ARHGAP15: variants seen among roughly 807,000 people sequenced by gnomAD.
ARHGAP15 encodes the protein rho GTPase-activating protein 15.
A neutral mutation model predicts 63.7 loss-of-function variants in ARHGAP15; 51 were observed. The ratio of observed to expected loss-of-function variants is 0.80; its 90% CI spans 0.64 to 1.01. ARHGAP15 has a LOEUF of 1.01. Among genes scored for constraint, ARHGAP15 ranks in the 50% least tolerant of loss-of-function variants. The pLI is 0.00. For missense variants in ARHGAP15, 560 were observed against 564.6 expected (o/e 0.99, Z 0.08); for synonymous variants, 191 against 193.8 (o/e 0.99, Z 0.12).
chr2:143,467,939 C>T (rs577812115), intron 8 of ARHGAP15, among the ~76,000 whole-genome samples: 2 of 152,186 alleles, frequency 1.3e-5, no homozygotes, highest in South Asian at 4.2e-4. Flanking sequence ...TTTGCCATAG[C>T]AGTACCACTT....
intron 3 of ARHGAP15, among the ~76,000 whole-genome samples, chr2:143,203,736 C>G (rs1692216672): frequency 2.0e-5 from 3 of 151,618 alleles, no homozygotes. Flanking sequence ...ACTGGTCCCT[C>G]TTCATTTTGG....
chr2:143,300,066 A>T (rs1014383602), intron 6 of ARHGAP15, among the ~76,000 whole-genome samples: 1 of 151,998 alleles, frequency 6.6e-6, no homozygotes, highest in East Asian at 1.9e-4. Flanking sequence ...AATATCTGGG[A>T]TTATAAAAGG....
chr2:143,138,312 G>T (rs185152687), intron 1 of ARHGAP15, among the ~76,000 whole-genome samples: 1 of 151,984 alleles, frequency 6.6e-6, no homozygotes, highest in Non-Finnish European at 1.5e-5. Flanking sequence ...AAAGCTTCTC[G>T]GTAGGCTGGG....
At chr2:143,294,623 C>T (rs532311249) in intron 6 of ARHGAP15, among the ~76,000 whole-genome samples, 13 of 152,122 alleles carry the variant, frequency 8.5e-5, no homozygotes, top group African/African-American at 2.6e-4. Flanking sequence ...CCTACTTAGA[C>T]TGGAAGTGAC....
intron 13 of ARHGAP15, among the ~76,000 whole-genome samples, chr2:143,711,181 TCTGACCCTTCACAGAAAAAAATTG>T (rs1408479659): frequency 1.3e-3 from 193 of 152,322 alleles, no homozygotes; most frequent in African/African-American, 4.5e-3. Flanking sequence ...ATATTTACCA[TCTGACCCTTCACAGAAAAAAATTG>T]CTGACCCTTC....
intron 6 of ARHGAP15, among the ~76,000 whole-genome samples, chr2:143,360,843 C>CT (rs1190420254): frequency 2.6e-5 from 4 of 152,194 alleles, no homozygotes; most frequent in African/African-American, 9.6e-5. Flanking sequence ...ATTCTTGAAA[C>CT]TAGTTAACAA....
At chr2:143,348,705 T>A (rs1471455578) in intron 6 of ARHGAP15, among the ~76,000 whole-genome samples, 1 of 152,158 alleles carries the variant, frequency 6.6e-6, no homozygotes, top group Non-Finnish European at 1.5e-5. Flanking sequence ...TCTCATTCCA[T>A]CTTACACCTA....
intron 6 of ARHGAP15, among the ~76,000 whole-genome samples, chr2:143,346,170 ACACT>A (rs752388967): frequency 2.1e-4 from 24 of 115,018 alleles, no homozygotes; most frequent in South Asian, 1.2e-3. Flanking sequence ...ACACACACAC[ACACT>A]CTCTCTCTCA....
chr2:143,703,439 A>G lies in ARHGAP15; in HGVS notation c.1159A>G (p.Arg387Gly), dbSNP rs770105549. Residue 387 changes from arginine (R) to glycine (G), a missense_variant, in exon 13 of 14, where the codon AGA becomes GGA. Coordinates refer to ENST00000295095, the MANE Select transcript of ARHGAP15 (RefSeq NM_018460.4). ...TCCAGAAAAGCAAGACAACAACACAAGAATTGAAGCTGTAAAATCTCTTGT... is the reference window on the plus strand; with the variant it reads ...TCCAGAAAAGCAAGACAACAACACAGGAATTGAAGCTGTAAAATCTCTTGT... Reference protein sequence around the residue: ...EAIKKQDNNTRIEAVKSLVQK... With the variant: ...EAIKKQDNNTGIEAVKSLVQK... The G allele has an allele frequency of 1.2e-6, 2 of 1,610,036 alleles. No individual in the cohort carries two copies. Among genetic ancestry groups the G allele is most frequent in the Admixed American group, 3.4e-5 (2 of 59,328 alleles).
At chr2:143,135,536 T>C (rs1573992344) in intron 1 of ARHGAP15, among the ~76,000 whole-genome samples, 1 of 152,192 alleles carries the variant, frequency 6.6e-6, no homozygotes, top group South Asian at 2.1e-4. Flanking sequence ...CAATTATACA[T>C]ATAAGTCCAG....
chr2:143,479,902 T>C (rs1262366024), intron 8 of ARHGAP15, among the ~76,000 whole-genome samples: 1 of 152,056 alleles, frequency 6.6e-6, no homozygotes, highest in Non-Finnish European at 1.5e-5. Context: ...AAACTCTGGC[T>C]TATAAAAGGA....
intron 6 of ARHGAP15, among the ~76,000 whole-genome samples, chr2:143,361,995 G>A (rs190789734): frequency 1.5e-3 from 232 of 152,216 alleles, no homozygotes; most frequent in Non-Finnish European, 2.6e-3. Context: ...ATGCTGAATC[G>A]AAGTTCTATC....
At chr2:143,753,516 C>A (rs758645216) in intron 13 of ARHGAP15, among the ~76,000 whole-genome samples, 4 of 152,118 alleles carry the variant, frequency 2.6e-5, no homozygotes, top group Admixed American at 1.3e-4. Flanking sequence ...GCCCAGCATC[C>A]GTATTTACAG....
chr2:143,661,756 A>G (rs888257214), intron 12 of ARHGAP15, among the ~76,000 whole-genome samples: 9 of 152,312 alleles, frequency 5.9e-5, no homozygotes, highest in African/African-American at 2.2e-4. Context: ...GCATTGCCTC[A>G]CTTGGGAAGC....
chr2:143,671,399 A>G (rs899797913), intron 12 of ARHGAP15, among the ~76,000 whole-genome samples: 4 of 152,144 alleles, frequency 2.6e-5, no homozygotes, highest in African/African-American at 4.8e-5. Context: ...GGAGTTAGCT[A>G]AAGTGCATCA....
intron 5 of ARHGAP15, among the ~76,000 whole-genome samples, chr2:143,241,945 G>A (rs182873916): frequency 4.8e-4 from 73 of 152,314 alleles, no homozygotes; most frequent in Non-Finnish European, 8.8e-4. Flanking sequence ...CTGCAAGTAC[G>A]CTGGTGAAAG....
At chr2:143,713,543 C>T (rs569925484) in intron 13 of ARHGAP15, among the ~76,000 whole-genome samples, 20 of 152,160 alleles carry the variant, frequency 1.3e-4, no homozygotes, top group Admixed American at 3.3e-4. Context: ...AAAGTCTTAA[C>T]TCATTCCAGC....
chr2:143,442,674 T>C (rs1439419198), intron 8 of ARHGAP15, among the ~76,000 whole-genome samples: 1 of 152,106 alleles, frequency 6.6e-6, no homozygotes, highest in Non-Finnish European at 1.5e-5. Flanking sequence ...TAATGACAGA[T>C]TAAGTCTGGA....
chr2:143,297,164 G>A (rs142516812), intron 6 of ARHGAP15, among the ~76,000 whole-genome samples: 1 of 152,016 alleles, frequency 6.6e-6, no homozygotes, highest in African/African-American at 2.4e-5. Context: ...GAGCAACTCT[G>A]ACAATTAAGC....
Sources: allele counts gnomAD v4.1 joint callset (sites outside exome capture counted in the v4.1 genomes callset), GRCh38; gene constraint gnomAD v4.1.1; transcripts MANE v1.5; gene names NCBI Gene and HGNC (gene_info 2026-07-23, HGNC 2026-07-21).